The following ASGR2 variants were observed in gnomAD, a reference collection of about 807,000 sequenced individuals.
ASGR2 encodes C-type lectin domain family 4 member H2.
In ASGR2, 34 loss-of-function variants were observed where a neutral mutation model predicts 32.3. The observed-to-expected ratio is 1.05, with a 90% CI of 0.80 to 1.40. The LOEUF (loss-of-function observed/expected upper bound fraction) is 1.40, where lower values mean the gene tolerates loss of function less well. ASGR2 is among the 40% of genes most tolerant of loss of function. The pLI is 0.00. For missense variants in ASGR2, 385 were observed against 386.4 expected (o/e 1.00, Z 0.03); for synonymous variants, 143 against 150.0 (o/e 0.95, Z 0.34).
intron 2 of ASGR2, among the ~76,000 whole-genome samples, chr17:7,110,045 C>A (rs1047469036): frequency 1.3e-5 from 2 of 152,102 alleles, no homozygotes; most frequent in African/African-American, 4.8e-5. Flanking sequence ...TATCACCCCC[C>A]GACCCAGCAG....
chr17:7,106,944 C>T (rs983808217), intron 7 of ASGR2, 56 bp downstream of exon 7: 68 of 1,588,798 alleles, frequency 4.3e-5, no homozygotes, highest in Non-Finnish European at 5.3e-5. Flanking sequence ...CTGATCCAGC[C>T]TCCCAGAGCA....
At chr17:7,111,469 A>G (rs1179329850) in intron 2 of ASGR2, among the ~76,000 whole-genome samples, 11 of 152,034 alleles carry the variant, frequency 7.2e-5, no homozygotes, top group South Asian at 4.1e-4. Flanking sequence ...ATCCTGGCTA[A>G]CATGGTGAAA....
rs746907391 is a variant in ASGR2, at chr17:7,101,573, G to A, written c.*2C>T. On this transcript the variant is annotated 3_prime_UTR_variant, in exon 9 of 9. Transcript: ENST00000691900. ...TATGGGTTAGCCAGAGGTGTGCTGG[G>A]GTCAGGCCACCTCGCCGGTGGCATT... The A allele has an allele frequency of 1.2e-6, 2 of 1,613,828 alleles. No individual in the cohort carries two copies. Among genetic ancestry groups the A allele is most frequent in the Non-Finnish European group, 8.5e-7 (1 of 1,179,892 alleles).
chr17:7,107,892 T>C lies in ASGR2; in HGVS notation c.353A>G (p.Asp118Gly), dbSNP rs1430828951. Residue 118 changes from aspartate to glycine, a missense_variant, in exon 5 of 9, where the codon GAC (aspartate) becomes GGC (glycine). By Grantham distance (94) the Asp-to-Gly change is moderately conservative (BLOSUM62 -1). Coordinates refer to ENST00000691900, the MANE Select transcript of ASGR2 (RefSeq NM_001201352.2). The surrounding 1 kb of genome is among the most constrained non-coding windows in gnomAD (Gnocchi z 5.0). ...CTTGGCTCCTAGGGATGTGATCTTGTCACCCACGCTGCCTCCTGGAAGCGG... is the reference window on the plus strand; with the variant it reads ...CTTGGCTCCTAGGGATGTGATCTTGCCACCCACGCTGCCTCCTGGAAGCGG... ...AISTHGGSVG[D>G]KITSLGAKLE... 2 of 1,614,110 alleles carry C rather than the reference T, an allele frequency of 1.2e-6. No individual in the cohort carries two copies. The highest frequency in any genetic ancestry group is 1.7e-6 in the Non-Finnish European group (2 of 1,179,986).
intron 2 of ASGR2, among the ~76,000 whole-genome samples, chr17:7,110,744 T>A (rs947704905): frequency 1.3e-5 from 2 of 152,178 alleles, no homozygotes; most frequent in South Asian, 4.1e-4. Context: ...GAAGAGTTCT[T>A]CTCTCCCCAG....
chr17:7,114,875 C>T (rs1431500405), upstream of ASGR2: 4 of 985,794 alleles, frequency 4.1e-6, no homozygotes, highest in South Asian at 4.7e-5. The surrounding 1 kb of genome is among the most constrained non-coding windows in gnomAD (Gnocchi z 4.5). Context: ...GGGCAGGGGA[C>T]GGGGCTATCT....
intron 7 of ASGR2, among the ~76,000 whole-genome samples, chr17:7,104,115 A>G (rs1185180790): frequency 6.6e-6 from 1 of 151,810 alleles, no homozygotes; most frequent in Admixed American, 6.6e-5. Flanking sequence ...ATGGGAGGCC[A>G]AGGCAGGTGA....
At chr17:7,109,696 ACT>A (rs1052738399) in intron 2 of ASGR2, among the ~76,000 whole-genome samples, 1 of 151,470 alleles carries the variant, frequency 6.6e-6, no homozygotes, top group Non-Finnish European at 1.5e-5. Flanking sequence ...ACTCACACAC[ACT>A]CACACACTCA....
upstream of ASGR2, chr17:7,115,027 C>T: frequency 1.0e-6 from 1 of 983,842 alleles, no homozygotes; most frequent in South Asian, 4.7e-5. The surrounding 1 kb of genome is among the most constrained non-coding windows in gnomAD (Gnocchi z 4.2). Context: ...TCTCCCTCCC[C>T]CTCTCACTTC....
In ASGR2 at chr17:7,108,687, T is replaced by G; in HGVS notation, c.241+85A>C. ...TCCACCCCGCCTCCATCCCTTCCCC[T>G]CCCATCGCCCCGATCGCTGCCCGCC... On this transcript the variant is annotated intron_variant, in intron 3 of 8. Coordinates refer to ENST00000691900, the MANE Select transcript of ASGR2 (RefSeq NM_001201352.2). The surrounding 1 kb of genome is among the most constrained non-coding windows in gnomAD (Gnocchi z 4.9). The G allele has an allele frequency of 6.2e-7, 1 of 1,606,806 alleles. No homozygotes were observed. The highest frequency in any genetic ancestry group is 2.2e-5 in the East Asian group (1 of 44,730).
At position 7,107,983 on chromosome 17, in the gene ASGR2, G is replaced by C; in HGVS notation, c.338-76C>G. The C allele has an allele frequency of 6.4e-7, 1 of 1,551,432 alleles. No homozygotes were observed. Among genetic ancestry groups the C allele is most frequent in the Non-Finnish European group, 8.8e-7 (1 of 1,138,614 alleles). The stretch of plus-strand genomic sequence containing the variant: ...TGCTGCTGGGGGACCGGGGGCCAGC[G>C]CCTCGTCCTGGGCGATGCAGGCGTC... On this transcript the variant is annotated intron_variant, in intron 4 of 8. Coordinates refer to ENST00000691900, the MANE Select transcript of ASGR2 (RefSeq NM_001201352.2). This position sits in a 1 kb window ranked among gnomAD's most constrained non-coding sequence, Gnocchi z 5.0.
chr17:7,106,029 C>T (rs528512225), intron 7 of ASGR2, among the ~76,000 whole-genome samples: 5 of 152,160 alleles, frequency 3.3e-5, no homozygotes, highest in Admixed American at 2.0e-4. Flanking sequence ...CTTCATGATC[C>T]GCCCACCTCG....
Position 7,108,670 on chromosome 17 carries a change from G to A in ASGR2, c.241+102C>T, listed in dbSNP as rs1422757661. 9 of 1,601,170 alleles carry A rather than the reference G, an allele frequency of 5.6e-6. No individual in the cohort carries two copies. Among genetic ancestry groups the A allele is most frequent in the African/African-American group, 4.0e-5 (3 of 74,614 alleles). The stretch of plus-strand genomic sequence containing the variant: ...TTTGCCCCAGCTTGTGCTCCACCCC[G>A]CCTCCATCCCTTCCCCTCCCATCGC... On this transcript the variant is annotated intron_variant, in intron 3 of 8. Transcript: ENST00000691900. This position sits in a 1 kb window ranked among gnomAD's most constrained non-coding sequence, Gnocchi z 4.9.
chr17:7,110,742 C>T (rs1208599168), intron 2 of ASGR2, among the ~76,000 whole-genome samples: 1 of 152,210 alleles, frequency 6.6e-6, no homozygotes, highest in African/African-American at 2.4e-5. Flanking sequence ...GGGAAGAGTT[C>T]TTCTCTCCCC....
At chr17:7,110,221 C>T (rs978864483) in intron 2 of ASGR2, among the ~76,000 whole-genome samples, 1 of 152,150 alleles carries the variant, frequency 6.6e-6, no homozygotes, top group Non-Finnish European at 1.5e-5. Context: ...ACACTCAGGA[C>T]CCCATTTGAC....
chr17:7,104,633 A>T (rs377228586), intron 7 of ASGR2, among the ~76,000 whole-genome samples: 5 of 152,178 alleles, frequency 3.3e-5, no homozygotes, highest in East Asian at 1.9e-4. Context: ...CCTGGGCGAA[A>T]GAGCAAGTCT....
Position 7,107,604 on chromosome 17 carries a change from C to T in ASGR2, c.409+232G>A. 1 of 657,024 alleles carries T rather than the reference C, an allele frequency of 1.5e-6. No individual in the cohort carries two copies. Among genetic ancestry groups the T allele is most frequent in the Non-Finnish European group, 2.7e-6 (1 of 373,782 alleles). 40.7% of individuals were successfully genotyped at this position (657,024 alleles called of 1,614,324 possible). On this transcript the variant is annotated intron_variant, in intron 5 of 8. Coordinates refer to ENST00000691900, the MANE Select transcript of ASGR2 (RefSeq NM_001201352.2). This position sits in a 1 kb window ranked among gnomAD's most constrained non-coding sequence, Gnocchi z 5.0. ...ACACAGACTCATCTCACACACACCA[C>T]CACACATGCATACACACACAACACA... is the stretch of plus-strand genomic sequence containing the variant.
chr17:7,102,419 T>C (rs1196988431), intron 7 of ASGR2, among the ~76,000 whole-genome samples: 1 of 152,196 alleles, frequency 6.6e-6, no homozygotes, highest in Admixed American at 6.5e-5. Flanking sequence ...TGTGCAAAGA[T>C]GATCTCATTT....
At chr17:7,104,348 T>TAAAAAAAAAAAAA (rs71383461) in intron 7 of ASGR2, among the ~76,000 whole-genome samples, 78 of 79,788 alleles carry the variant, frequency 9.8e-4, no homozygotes, top group East Asian at 1.6e-3. Flanking sequence ...AACTCTGTCT[T>TAAAAAAAAAAAAA]AAAAAAAAAA....
Sources: gnomAD v4.1 joint callset for allele counts (sites outside exome capture counted in the v4.1 genomes callset) on GRCh38, gnomAD v4.1.1 for gene constraint, Gnocchi (gnomAD v3.1) non-coding constraint, MANE v1.5 for transcripts, NCBI Gene and HGNC (gene_info 2026-07-23, HGNC 2026-07-21) for gene names.